RPL28: variants seen among roughly 807,000 people sequenced by gnomAD.
RPL28 encodes the protein ribosomal protein L28, also known as large ribosomal subunit protein eL28.
In RPL28, 4 loss-of-function variants were observed where a neutral mutation model predicts 12.5. The ratio of observed to expected loss-of-function variants is 0.32; its 90% confidence interval spans 0.16 to 0.73. RPL28 has a LOEUF of 0.73. Among genes scored for constraint, RPL28 ranks in the 30% least tolerant of loss-of-function variants. RPL28 has a pLI of 0.66. For missense variants in RPL28, 214 were observed against 197.7 expected (o/e 1.08, Z -0.49); for synonymous variants, 91 against 72.5 (o/e 1.26, Z -1.30).
chr19:55,395,495 G>A (rs895573604), downstream of RPL28, among the ~76,000 whole-genome samples: 8 of 147,110 alleles, frequency 5.4e-5, no homozygotes, highest in Non-Finnish European at 1.0e-4. Flanking sequence ...CCAGTCTGGA[G>A]TGCAGTGGCG....
downstream of RPL28, among the ~76,000 whole-genome samples, chr19:55,393,244 A>ACCTC (rs2090002614): frequency 1.4e-4 from 14 of 99,866 alleles, no homozygotes; most frequent in Admixed American, 1.4e-4. Context: ...TGGCCGACGC[A>ACCTC]CCCCCCCCCC....
chr19:55,385,958 G>C lies in RPL28; in HGVS notation c.-16G>C, dbSNP rs545546618. 8.2e-6 allele frequency: 2 copies of C among 245,036 alleles called. No individual in the cohort carries two copies. The highest frequency in any genetic ancestry group is 8.4e-6 in the Non-Finnish European group (1 of 119,212). The allele number at this position is 245,036 out of a possible 1,614,324, so 15.2% of individuals were successfully genotyped here. A position where few individuals can be genotyped will look rare whatever the true frequency, so the allele number is the denominator to read the frequency against. On this transcript the variant is annotated 5_prime_UTR_variant, in exon 1 of 5. Coordinates refer to ENST00000344063, the MANE Select transcript of RPL28 (RefSeq NM_000991.5). ...TCTTTCCGTCTCAGGTCGCCGCTGC[G>C]AAGGGAGGTGAGCGTTCGTCTTCCT... is the stretch of plus-strand genomic sequence containing the variant.
In RPL28 at chr19:55,391,733, A is replaced by G. The variant is rs1478547795; in HGVS notation, c.*3401A>G. On this transcript the variant is annotated 3_prime_UTR_variant, in exon 5 of 5. Transcript: ENST00000344063. ...AAAACCTGCTTGACTGTGCCCACAA[A>G]TCCTGATTGTAGGAATAAATTAATG... The G allele has an allele frequency of 6.6e-7, 1 of 1,509,214 alleles. No individual in the cohort carries two copies. The allele number at this position is 1,509,214 out of a possible 1,614,324, so 93.5% of individuals were successfully genotyped here.
intron 4 of RPL28, chr19:55,401,596 G>GC: frequency 6.2e-7 from 1 of 1,607,696 alleles, no homozygotes; most frequent in Non-Finnish European, 8.5e-7. Context: ...ACTGGCCAGG[G>GC]CCCGACCGGC....
chr19:55,396,744 C>G (rs2090026826), downstream of RPL28, among the ~76,000 whole-genome samples: 1 of 147,410 alleles, frequency 6.8e-6, no homozygotes, highest in South Asian at 2.2e-4. Context: ...CCACGCCCGG[C>G]TAATTTTTTT....
chr19:55,401,836 C>G (rs980680399), intron 4 of RPL28: 1 of 1,516,880 alleles, frequency 6.6e-7, no homozygotes, highest in East Asian at 2.3e-5. Context: ...AAGAGGGTGG[C>G]CTCCGCACTG....
intron 3 of RPL28, chr19:55,387,396 C>CACGT: frequency 1.3e-6 from 2 of 1,549,988 alleles, no homozygotes; most frequent in Non-Finnish European, 1.7e-6. Flanking sequence ...GTCTCAGGGA[C>CACGT]ACGTAGTCCA....
Position 55,390,742 on chromosome 19 carries a change from C to G in RPL28, c.*2410C>G, listed in dbSNP as rs2089982416. 1 of 985,320 alleles carries G rather than the reference C, an allele frequency of 1.0e-6. No individual in the cohort carries two copies. The highest frequency in any genetic ancestry group is 1.7e-5 in the African/African-American group (1 of 57,210). The allele number at this position is 985,320 out of a possible 1,614,324, so 61.0% of individuals were successfully genotyped here. A position where few individuals can be genotyped will look rare whatever the true frequency, so the allele number is the denominator to read the frequency against. ...GGGCTGGGGAGGCCACGTCTGGTAT[C>G]TGAATGCTATCGGTGGGTTGGGGTG... On this transcript the variant is annotated 3_prime_UTR_variant, in exon 5 of 5. Transcript: ENST00000344063.
chr19:55,386,038 C>T (rs549011727), intron 1 of RPL28, 73 bp downstream of exon 1: 4 of 361,198 alleles, frequency 1.1e-5, no homozygotes, highest in Middle Eastern at 9.1e-4. Context: ...CTCTGCCTGC[C>T]TTCTCCCCTT....
chr19:55,389,138 G>T lies in RPL28; in HGVS notation c.*806G>T. The T allele has an allele frequency of 3.0e-6, 3 of 985,242 alleles. No homozygotes were observed. The South Asian group carries it at 1.4e-4, about 46-fold the overall frequency. The allele number at this position is 985,242 out of a possible 1,614,324, so 61.0% of individuals were successfully genotyped here. A position where few individuals can be genotyped will look rare whatever the true frequency, so the allele number is the denominator to read the frequency against. On this transcript the variant is annotated 3_prime_UTR_variant, in exon 5 of 5. Transcript: ENST00000344063. ...TGCTCCCTAGTGTTTATTACAGCTTGTGAGGCCAGGAGTTTGAGACCATCC... is the reference window on the plus strand; with the variant it reads ...TGCTCCCTAGTGTTTATTACAGCTTTTGAGGCCAGGAGTTTGAGACCATCC...
At chr19:55,401,134 C>T (rs2090054304) in intron 4 of RPL28, 1 of 460,982 alleles carries the variant, frequency 2.2e-6, no homozygotes, top group Non-Finnish European at 3.9e-6. Context: ...TGGACCCAAA[C>T]CTCAAACAGC....
At chr19:55,393,991 G>C (rs886476250), downstream of RPL28, among the ~76,000 whole-genome samples, 1 of 151,420 alleles carries the variant, frequency 6.6e-6, no homozygotes, top group Non-Finnish European at 1.5e-5. Flanking sequence ...AGCTGGGTAC[G>C]GTGGCTCACT....
intron 4 of RPL28, chr19:55,399,773 C>G (rs1186673925): frequency 6.6e-6 from 1 of 152,180 alleles, no homozygotes; most frequent in Non-Finnish European, 1.5e-5. Flanking sequence ...TTATTATGCA[C>G]TTCGCTAAAT....
At chr19:55,392,942 G>A (rs993128670), downstream of RPL28, among the ~76,000 whole-genome samples, 5 of 152,004 alleles carry the variant, frequency 3.3e-5, no homozygotes, top group Non-Finnish European at 5.9e-5. Context: ...CACAGGCTGC[G>A]GGCCCCTTTC....
In RPL28 at chr19:55,388,057, G is replaced by A. The variant is rs200673030; in HGVS notation, c.324+9G>A. 2.5e-4 allele frequency: 409 copies of A among 1,613,752 alleles called. 1 individual carries two copies. The highest frequency in any genetic ancestry group is 3.4e-4 in the Non-Finnish European group (402 of 1,179,896). On this transcript the variant is annotated intron_variant, in intron 4 of 4. Transcript: ENST00000344063. ...GCCCCGACCTGCGCATGGTGAGCTGGGGTTTGGGGATCAGGCTTGGGGAGA... is the reference window on the plus strand; with the variant it reads ...GCCCCGACCTGCGCATGGTGAGCTGAGGTTTGGGGATCAGGCTTGGGGAGA...
chr19:55,401,433 C>T (rs1292351637), intron 4 of RPL28: 4 of 1,594,406 alleles, frequency 2.5e-6, no homozygotes, highest in African/African-American at 1.3e-5. Flanking sequence ...GGAAGAGAGC[C>T]CACTACAGCC....
downstream of RPL28, among the ~76,000 whole-genome samples, chr19:55,395,662 C>G (rs1464412476): frequency 5.3e-5 from 8 of 150,076 alleles, no homozygotes; most frequent in South Asian, 2.1e-4. Context: ...CCAGGATGGT[C>G]TCAATCTCCT....
intron 3 of RPL28, 185 bp from the exon 4 acceptor site, chr19:55,387,745 C>G: frequency 6.9e-7 from 1 of 1,446,158 alleles, no homozygotes; most frequent in Admixed American, 2.8e-5. Flanking sequence ...CTCAGTACTC[C>G]GTGATGACGA....
At chr19:55,400,295 G>A (rs765057103) in intron 4 of RPL28, 1 of 152,188 alleles carries the variant, frequency 6.6e-6, no homozygotes, top group Non-Finnish European at 1.5e-5. Context: ...GGGATTACAG[G>A]CGTGAGCCAT....
Sources: gnomAD v4.1 joint callset for allele counts (sites outside exome capture counted in the v4.1 genomes callset) on GRCh38, gnomAD v4.1.1 for gene constraint, MANE v1.5 for transcripts, NCBI Gene and HGNC (gene_info 2026-07-23, HGNC 2026-07-21) for gene names.